HPSE: variants seen among roughly 807,000 people sequenced by gnomAD.
HPSE encodes the protein endo-glucoronidase.
A neutral mutation model predicts 65.1 loss-of-function variants in HPSE; 48 were observed. That is an observed-to-expected ratio of 0.74 (90% CI 0.58 to 0.94). HPSE has a LOEUF of 0.94. Among genes scored for constraint, HPSE ranks in the 40% least tolerant of loss-of-function variants. The pLI, the probability that HPSE is intolerant of heterozygous loss-of-function variation, is 0.00. For synonymous variants in HPSE, 243 were observed against 260.0 expected, an observed-to-expected ratio of 0.93 and a Z score of 0.63; for missense variants, 644 against 637.5, an observed-to-expected ratio of 1.01 and a Z score of -0.11.
chr4:83,324,487 C>A (rs1236479235), intron 1 of HPSE, among the ~76,000 whole-genome samples: 1 of 152,162 alleles, frequency 6.6e-6, no homozygotes, highest in East Asian at 1.9e-4. Context: ...GTGATTCCTC[C>A]TCACCATATT....
chr4:83,302,364 A>C (rs1735984761), intron 9 of HPSE, 96 bp from the exon 10 acceptor site: 1 of 766,898 alleles, frequency 1.3e-6, no homozygotes, highest in Non-Finnish European at 2.2e-6. Context: ...TATCCTACAA[A>C]GAGTATCACT....
intron 3 of HPSE, among the ~76,000 whole-genome samples, chr4:83,317,359 A>G (rs6535462): frequency 0.8 from 121,296 of 152,180 alleles, 48,506 homozygotes; most frequent in East Asian, 0.87. Flanking sequence ...ATCCCCTATT[A>G]GCTTCTGAAA....
intron 11 of HPSE, among the ~76,000 whole-genome samples, chr4:83,296,623 C>T (rs745611295): frequency 6.0e-5 from 9 of 149,506 alleles, no homozygotes; most frequent in Non-Finnish European, 1.3e-4. Context: ...TGCAGTGAGC[C>T]GAGATTGCAC....
At position 83,295,364 on chromosome 4, in the gene HPSE, T is replaced by C. The variant is rs752479765; in HGVS notation, c.1612A>G (p.Lys538Glu). The part of the protein sequence containing the change: ...SYSFFVIRNA[K>E]VAACI Reference sequence around the variant, plus strand: ...TATTTTCAGATGCAAGCAGCAACTTTGGCATTTCTTATCACAAAAAAACTA... The same window carrying C: ...TATTTTCAGATGCAAGCAGCAACTTCGGCATTTCTTATCACAAAAAAACTA... The change falls in exon 12 of 12, where the codon AAA (lysine) becomes GAA (glutamate). Residue 538 changes from lysine to glutamate, a missense_variant. Coordinates refer to ENST00000311412, the MANE Select transcript of HPSE (RefSeq NM_001098540.3). The C allele has an allele frequency of 1.9e-6, 3 of 1,608,892 alleles. No homozygotes were observed. Among genetic ancestry groups the C allele is most frequent in the Admixed American group, 1.7e-5 (1 of 59,082 alleles).
intron 3 of HPSE, among the ~76,000 whole-genome samples, chr4:83,318,726 A>T (rs966173290): frequency 1.3e-5 from 2 of 151,742 alleles, no homozygotes; most frequent in African/African-American, 4.9e-5. Context: ...AAAAAAAAAA[A>T]AAGGGGGTTC....
upstream of HPSE, chr4:83,334,861 GC>G: frequency 7.0e-7 from 1 of 1,436,048 alleles, no homozygotes; most frequent in Non-Finnish European, 9.1e-7. Context: ...CTCCCGCCGA[GC>G]CCCAGCGCCC....
At chr4:83,311,071 G>C (rs1207593777) in intron 4 of HPSE, among the ~76,000 whole-genome samples, 181 bp from the exon 5 acceptor site, 1 of 152,180 alleles carries the variant, frequency 6.6e-6, no homozygotes, top group African/African-American at 2.4e-5. Flanking sequence ...CATTTTGGTA[G>C]GCTGAGACAG....
chr4:83,302,338 G>C, intron 9 of HPSE, 70 bp from the exon 10 acceptor site: 1 of 921,686 alleles, frequency 1.1e-6, no homozygotes, highest in Non-Finnish European at 1.8e-6. Flanking sequence ...AATGAAACCA[G>C]TGGCAAGCAA....
At chr4:83,331,201 T>A (rs1737356968) in intron 1 of HPSE, among the ~76,000 whole-genome samples, 1 of 150,426 alleles carries the variant, frequency 6.6e-6, no homozygotes, top group South Asian at 2.1e-4. Flanking sequence ...CAAAATTGTC[T>A]CGGAAAAAAA....
intron 1 of HPSE, among the ~76,000 whole-genome samples, chr4:83,323,824 G>C (rs1211529215): frequency 6.6e-6 from 1 of 152,110 alleles, no homozygotes; most frequent in Non-Finnish European, 1.5e-5. Context: ...CTAGAAAATG[G>C]AATTAGAATG....
rs142368586 is a variant in HPSE at position 83,313,524 on chromosome 4, T to A, written c.500-237A>T. ...CCATGGAAGATACCAGAAGCTCTGG[T>A]CTGACACTTAGGTTTTGTTCAAGTG... On this transcript the variant is annotated intron_variant, in intron 3 of 11. Transcript: ENST00000311412. 4.5e-4 allele frequency among the ~76,000 whole-genome samples: 68 copies of A among 152,320 alleles called. No individual in the cohort carries two copies. In the East Asian group the frequency reaches 0.013, roughly 28 times the overall value.
chr4:83,306,868 A>G (rs1427066065), intron 8 of HPSE, among the ~76,000 whole-genome samples: 1 of 152,134 alleles, frequency 6.6e-6, no homozygotes, highest in Non-Finnish European at 1.5e-5. Context: ...AACCTCCCCA[A>G]ATTGTTCCTG....
rs997413648 is a variant in HPSE, at chr4:83,292,843, TG to T, written c.*2500del. 5.3e-5 allele frequency: 8 copies of T among 152,158 alleles called. No individual in the cohort carries two copies. Among genetic ancestry groups the T allele is most frequent in the Admixed American group, 5.2e-4 (8 of 15,264 alleles). 9.4% of individuals were successfully genotyped at this position (152,158 alleles called of 1,614,324 possible). A position where few individuals can be genotyped will look rare whatever the true frequency, so the allele number is the denominator to read the frequency against. On this transcript the variant is annotated 3_prime_UTR_variant, in exon 12 of 12. Transcript: ENST00000311412. ...AGAACATACACAGTGGTATAAGGGATGTTGGAGACTCAGAAGGGAAGAGGGC... is the reference window on the plus strand; with the variant it reads ...AGAACATACACAGTGGTATAAGGGATTTGGAGACTCAGAAGGGAAGAGGGC...
At chr4:83,295,739 A>G (rs1735699823) in intron 11 of HPSE, among the ~76,000 whole-genome samples, 1 of 152,226 alleles carries the variant, frequency 6.6e-6, no homozygotes. Context: ...AGCCAGAAAT[A>G]CTTACTGTCT....
intron 3 of HPSE, among the ~76,000 whole-genome samples, chr4:83,314,977 G>A (rs1736569666): frequency 6.6e-6 from 1 of 151,878 alleles, no homozygotes; most frequent in Non-Finnish European, 1.5e-5. Flanking sequence ...CCAATATGGT[G>A]AAACCCCGTC....
intron 9 of HPSE, 28 bp downstream of exon 9, chr4:83,306,175 T>C: frequency 1.5e-6 from 2 of 1,375,976 alleles, no homozygotes; most frequent in Admixed American, 3.4e-5. Context: ...TCTACTCCAC[T>C]AGAATTAGGA....
chr4:83,309,930 C>G lies in HPSE; in HGVS notation c.890+101G>C, dbSNP rs958950658. 4.0e-6 allele frequency: 3 copies of G among 758,138 alleles called. No individual in the cohort carries two copies. The African/African-American group carries it at 5.3e-5, about 13-fold the overall frequency. 47.0% of individuals were successfully genotyped at this position (758,138 alleles called of 1,614,324 possible). On this transcript the variant is annotated intron_variant, in intron 6 of 11. Coordinates refer to ENST00000311412, the MANE Select transcript of HPSE (RefSeq NM_001098540.3). ...AGACACTATTTGTTTCTTATTTGAA[C>G]TGCAGTCAATTGGCAGTTAAATGAA... is the stretch of plus-strand genomic sequence containing the variant.
At chr4:83,301,606 C>T (rs892054051) in intron 10 of HPSE, among the ~76,000 whole-genome samples, 7 of 152,148 alleles carry the variant, frequency 4.6e-5, no homozygotes, top group African/African-American at 1.4e-4. Context: ...CTACTGGGGT[C>T]CTCACTATCC....
intron 1 of HPSE, among the ~76,000 whole-genome samples, chr4:83,332,801 C>T (rs1737437379): frequency 6.6e-6 from 1 of 152,192 alleles, no homozygotes; most frequent in Admixed American, 6.5e-5. Context: ...AGGGGGGAAC[C>T]CCCATCTGTC....
Sources: allele counts gnomAD v4.1 joint callset (sites outside exome capture counted in the v4.1 genomes callset), GRCh38; gene constraint gnomAD v4.1.1; transcripts MANE v1.5; gene names NCBI Gene and HGNC (gene_info 2026-07-23, HGNC 2026-07-21).